The following CAPSL variants were observed in gnomAD, a reference collection of about 807,000 sequenced individuals.
The protein encoded by CAPSL is calcyphosine like.
A neutral mutation model predicts 21.3 loss-of-function variants in CAPSL; 17 were observed. The ratio of observed to expected loss-of-function variants is 0.80; its 90% CI spans 0.55 to 1.20. The LOEUF (loss-of-function observed/expected upper bound fraction) is 1.20, where lower values mean the gene tolerates loss of function less well. Among genes scored for constraint, CAPSL ranks in the 50% most tolerant of loss-of-function variants. The pLI is 0.00. For missense variants in CAPSL, 289 were observed against 259.3 expected (o/e 1.11, Z -0.79); for synonymous variants, 102 against 89.3 (o/e 1.14, Z -0.80).
intron 4 of CAPSL, among the ~76,000 whole-genome samples, chr5:35,905,036 A>G (rs896259485): frequency 4.6e-5 from 7 of 152,182 alleles, no homozygotes; most frequent in African/African-American, 1.4e-4. Flanking sequence ...TCCTTGTGTC[A>G]GGGTAAGTGA....
chr5:35,922,088 G>C (rs1444762198), intron 1 of CAPSL, among the ~76,000 whole-genome samples: 1 of 144,176 alleles, frequency 6.9e-6, no homozygotes, highest in Non-Finnish European at 1.5e-5. Context: ...AAAAAAAAAC[G>C]GTATTAGAAT....
At chr5:35,933,074 T>C (rs928975666) in intron 1 of CAPSL, among the ~76,000 whole-genome samples, 1 of 152,224 alleles carries the variant, frequency 6.6e-6, no homozygotes, top group African/African-American at 2.4e-5. Context: ...GTTAAATAGT[T>C]GCATCATAGA....
intron 1 of CAPSL, among the ~76,000 whole-genome samples, chr5:35,930,930 G>C (rs747179121): frequency 6.6e-6 from 1 of 152,122 alleles, no homozygotes; most frequent in African/African-American, 2.4e-5. Flanking sequence ...CTTGTGCCTT[G>C]AGTGAGGATG....
chr5:35,936,216 C>T (rs1055990481), intron 1 of CAPSL, among the ~76,000 whole-genome samples: 8 of 152,102 alleles, frequency 5.3e-5, no homozygotes, highest in African/African-American at 1.4e-4. Flanking sequence ...TGACTTCATC[C>T]TCCCTCCTCC....
At chr5:35,908,358 G>A (rs1021618046) in intron 4 of CAPSL, among the ~76,000 whole-genome samples, 5 of 152,214 alleles carry the variant, frequency 3.3e-5, no homozygotes, top group African/African-American at 9.6e-5. Flanking sequence ...ATGACATCAA[G>A]TGCTATAACT....
chr5:35,906,430 G>A (rs1760681401), intron 4 of CAPSL, among the ~76,000 whole-genome samples: 1 of 152,018 alleles, frequency 6.6e-6, no homozygotes. Flanking sequence ...TGAATTTCTA[G>A]GGAAGCCTTT....
At chr5:35,938,312 A>T (rs1299649570) in intron 1 of CAPSL, among the ~76,000 whole-genome samples, 1 of 152,044 alleles carries the variant, frequency 6.6e-6, no homozygotes. Context: ...ATTTTTGTGC[A>T]TTTTTATCTA....
At chr5:35,910,607 T>A in intron 2 of CAPSL, 64 bp from the exon 3 acceptor site, 1 of 1,234,746 alleles carries the variant, frequency 8.1e-7, no homozygotes, top group Non-Finnish European at 1.1e-6. Flanking sequence ...GTGTAAAGAT[T>A]AAAAAAAAAT....
At chr5:35,922,359 C>T (rs1052933978) in intron 1 of CAPSL, among the ~76,000 whole-genome samples, 2 of 152,152 alleles carry the variant, frequency 1.3e-5, no homozygotes, top group Admixed American at 6.5e-5. Context: ...ATACACTTAA[C>T]GTGGCCACTT....
At chr5:35,905,794 C>T (rs1424003207) in intron 4 of CAPSL, among the ~76,000 whole-genome samples, 1 of 152,192 alleles carries the variant, frequency 6.6e-6, no homozygotes, top group Non-Finnish European at 1.5e-5. Flanking sequence ...AAATGTTTAT[C>T]AGTGTGGGTC....
At position 35,910,030 on chromosome 5, in the gene CAPSL, T is replaced by C; in HGVS notation, c.361A>G (p.Arg121Gly). ...CCATCTCCAGTCTTGTCTAACTTTCTAAAAGCTTGCATGATTACCTCTTTT... is the reference window on the plus strand; with the variant it reads ...CCATCTCCAGTCTTGTCTAACTTTCCAAAAGCTTGCATGATTACCTCTTTT... ...ARKEVIMQAF[R>G]KLDKTGDGVI... The change falls in exon 4 of 5, where the codon AGA becomes GGA. Residue 121 changes from arginine (R) to glycine (G), a missense_variant. Transcript: ENST00000651391. The C allele has an allele frequency of 5.6e-6, 9 of 1,613,306 alleles. No homozygotes were observed. Among genetic ancestry groups the C allele is most frequent in the Non-Finnish European group, 7.6e-6 (9 of 1,179,750 alleles).
At chr5:35,928,728 G>A (rs1196773287) in intron 1 of CAPSL, among the ~76,000 whole-genome samples, 1 of 152,150 alleles carries the variant, frequency 6.6e-6, no homozygotes, top group Non-Finnish European at 1.5e-5. Flanking sequence ...GGCCAGGGAT[G>A]CTGCTACACA....
intron 1 of CAPSL, among the ~76,000 whole-genome samples, chr5:35,923,372 G>A (rs964119486): frequency 2.0e-5 from 3 of 152,182 alleles, no homozygotes; most frequent in African/African-American, 7.2e-5. Flanking sequence ...CCACTAGGTA[G>A]TAAGCATGTG....
intron 2 of CAPSL, among the ~76,000 whole-genome samples, chr5:35,918,100 T>C (rs1433431695): frequency 2.0e-5 from 3 of 152,182 alleles, no homozygotes; most frequent in Non-Finnish European, 2.9e-5. Context: ...CACAATCCCA[T>C]TACCGGATAT....
Position 35,921,018 on chromosome 5 carries a change from C to T in CAPSL, c.103G>A (p.Ala35Thr). Residue 35 changes from alanine to threonine, a missense_variant, in exon 2 of 5, where the codon GCC becomes ACC. Physicochemically the swap from Ala to Thr is moderately conservative, Grantham distance 58. Coordinates refer to ENST00000651391, the MANE Select transcript of CAPSL (RefSeq NM_001042625.2). ...PIERLRLQCLARGSAGIKGLG... is the reference protein window; with the variant it reads ...PIERLRLQCLTRGSAGIKGLG... The stretch of plus-strand genomic sequence containing the variant: ...CCTTTGATCCCAGCAGAGCCCCTGG[C>T]CAGGCACTGCAGTCGGAGTCTTTCA... 1 of 1,614,106 alleles carries T rather than the reference C, an allele frequency of 6.2e-7. No homozygotes were observed. The highest frequency in any genetic ancestry group is 8.5e-7 in the Non-Finnish European group (1 of 1,180,008).
At position 35,921,026 on chromosome 5, in the gene CAPSL, T is replaced by G. The variant is rs1561440497; in HGVS notation, c.95A>C (p.Gln32Pro). The change falls in exon 2 of 5, where the codon CAG (glutamine) becomes CCG (proline). Residue 32 changes from glutamine to proline, a missense_variant. Coordinates refer to ENST00000651391, the MANE Select transcript of CAPSL (RefSeq NM_001042625.2). The part of the protein sequence containing the change: ...ATDPIERLRL[Q>P]CLARGSAGIK... ...CCCAGCAGAGCCCCTGGCCAGGCAC[T>G]GCAGTCGGAGTCTTTCAATGGGGTC... The G allele has an allele frequency of 6.2e-7, 1 of 1,614,102 alleles. No homozygotes were observed. Among genetic ancestry groups the G allele is most frequent in the East Asian group, 2.2e-5 (1 of 44,874 alleles).
intron 1 of CAPSL, among the ~76,000 whole-genome samples, chr5:35,929,085 A>G (rs1194359345): frequency 6.6e-6 from 1 of 152,102 alleles, no homozygotes; most frequent in African/African-American, 2.4e-5. Context: ...GAGGTAGTAA[A>G]TACAGTTGTA....
chr5:35,937,732 C>G (rs950960637), intron 1 of CAPSL, among the ~76,000 whole-genome samples: 9 of 151,112 alleles, frequency 6.0e-5, no homozygotes, highest in Admixed American at 2.0e-4. Flanking sequence ...TAATTTTTAT[C>G]AGAATATAAA....
chr5:35,907,253 T>C (rs958405635), intron 4 of CAPSL, among the ~76,000 whole-genome samples: 1 of 151,986 alleles, frequency 6.6e-6, no homozygotes, highest in Non-Finnish European at 1.5e-5. Context: ...ATCAGAAAAA[T>C]CCTAAAACAA....
Sources: gnomAD v4.1 joint callset for allele counts (sites outside exome capture counted in the v4.1 genomes callset) on GRCh38, gnomAD v4.1.1 for gene constraint, MANE v1.5 for transcripts, NCBI Gene and HGNC (gene_info 2026-07-23, HGNC 2026-07-21) for gene names.